RBM10: variants seen among roughly 807,000 people sequenced by gnomAD.
RBM10 encodes the protein RNA binding motif protein 10.
A neutral mutation model predicts 84.9 loss-of-function variants in RBM10; 1 was observed. The observed-to-expected ratio is 0.01, with a 90% confidence interval of 0.00 to 0.06. The LOEUF is 0.06. RBM10 is among the 10% of genes least tolerant of loss of function. The pLI, the probability that RBM10 is intolerant of heterozygous loss-of-function variation, is 1.00. For missense variants in RBM10, 438 were observed against 839.0 expected (o/e 0.52, Z 5.90); for synonymous variants, 326 against 344.5 (o/e 0.95, Z 0.60).
At chrX:47,175,174 C>A in intron 6 of RBM10, 82 bp downstream of exon 6, 1 of 760,294 alleles carries the variant, frequency 1.3e-6, no homozygotes, top group Non-Finnish European at 1.9e-6. Context: ...TTCTTATGGA[C>A]ACAGTTCCCT....
Position 47,185,700 on chromosome X carries a change from C to T in RBM10, c.2356-16C>T, listed in dbSNP as rs782285876. On this transcript the variant is annotated splice_polypyrimidine_tract_variant and intron_variant, in intron 20 of 23. Coordinates refer to ENST00000377604, the MANE Select transcript of RBM10 (RefSeq NM_005676.5). ...GAGGCTCATCCTCTTCACTTCTCATCCTGTCCCTCTTGCAGCAAAACCTTG... is the reference window on the plus strand; with the variant it reads ...GAGGCTCATCCTCTTCACTTCTCATTCTGTCCCTCTTGCAGCAAAACCTTG... The T allele has an allele frequency of 1.7e-6, 2 of 1,211,380 alleles. No individual in the cohort carries two copies. The highest frequency in any genetic ancestry group is 2.2e-6 in the Non-Finnish European group (2 of 895,263).
At chrX:47,163,878 T>A in intron 2 of RBM10, among the ~76,000 whole-genome samples, 1 of 70,826 alleles carries the variant, frequency 1.4e-5, no homozygotes. Context: ...TTTTTTTTTT[T>A]TTTTTTTTGA....
rs2147184746 is a variant in RBM10, at chrX:47,181,289, T to A, written c.1323T>A (p.Asp441Glu). ...TCGACTACAGCTACTACCAACAGGATGAGGGCTATGGCAACAGCCAGGGCA... is the reference window on the plus strand; with the variant it reads ...TCGACTACAGCTACTACCAACAGGAAGAGGGCTATGGCAACAGCCAGGGCA... ...PPVDYSYYQQ[D>E]EGYGNSQGTE... Residue 441 changes from aspartate (D) to glutamate (E), a missense_variant, in exon 13 of 24, where the codon GAT (aspartate) becomes GAA (glutamate). By Grantham distance (45) the Asp-to-Glu change is conservative. Around this residue, in one of 8 missense-constraint regions of RBM10, gnomAD observed 97 missense variants for 110.3 expected, o/e 0.88. Coordinates refer to ENST00000377604, the MANE Select transcript of RBM10 (RefSeq NM_005676.5). 8.4e-7 allele frequency: 1 copy of A among 1,183,960 alleles called. No homozygotes were observed. Among genetic ancestry groups the A allele is most frequent in the South Asian group, 1.9e-5 (1 of 53,906 alleles).
intron 2 of RBM10, among the ~76,000 whole-genome samples, chrX:47,155,146 C>CAAAAAAAA (rs782034292): frequency 3.7e-5 from 1 of 27,357 alleles, no homozygotes; most frequent in African/African-American, 1.4e-4. Flanking sequence ...GACTCCCTCT[C>CAAAAAAAA]AAAAAAAAAA....
At chrX:47,161,513 GTTTT>G (rs781863849) in intron 2 of RBM10, among the ~76,000 whole-genome samples, 1 of 55,106 alleles carries the variant, frequency 1.8e-5, no homozygotes, top group Non-Finnish European at 3.3e-5. Flanking sequence ...CAACTCATTA[GTTTT>G]TTTTTTTTTT....
chrX:47,151,491 T>C (rs1014635947), intron 2 of RBM10, among the ~76,000 whole-genome samples: 1 of 112,029 alleles, frequency 8.9e-6, no homozygotes, highest in South Asian at 3.6e-4. Flanking sequence ...CTGTCACTTA[T>C]TTATTTTTCT....
At chrX:47,184,774 C>T (rs1232365082) in intron 17 of RBM10, among the ~76,000 whole-genome samples, 3 of 110,806 alleles carry the variant, frequency 2.7e-5, no homozygotes, top group Non-Finnish European at 5.7e-5. Flanking sequence ...GCTGTGGTTG[C>T]GAGTTTGGGT....
intron 4 of RBM10, among the ~76,000 whole-genome samples, chrX:47,171,617 G>A (rs1327234784): frequency 1.8e-5 from 2 of 112,848 alleles, no homozygotes; most frequent in Non-Finnish European, 1.9e-5. Flanking sequence ...ATTGCTGGTA[G>A]CAGAGATGAC....
At chrX:47,164,217 A>G (rs1556767986) in intron 2 of RBM10, among the ~76,000 whole-genome samples, 1 of 111,483 alleles carries the variant, frequency 9.0e-6, no homozygotes, top group Non-Finnish European at 1.9e-5. Context: ...AAGTGAAAAG[A>G]CAACCCACAA....
chrX:47,170,641 GA>G (rs782210189), intron 3 of RBM10, among the ~76,000 whole-genome samples: 1 of 112,491 alleles, frequency 8.9e-6, no homozygotes, highest in South Asian at 3.7e-4. Context: ...GTGGTACAGT[GA>G]AGCAATTGAG....
intron 21 of RBM10, 102 bp from the exon 22 acceptor site, chrX:47,185,963 T>C: frequency 8.7e-7 from 1 of 1,150,269 alleles, no homozygotes; most frequent in Admixed American, 2.5e-5. Flanking sequence ...CTGAGCCTCA[T>C]TAGCCAGATG....
Position 47,147,373 on chromosome X carries a change from A to G in RBM10, c.-109A>G, listed in dbSNP as rs782600858. The G allele has an allele frequency of 1.0e-5, 12 of 1,201,791 alleles. No homozygotes were observed. The Admixed American group carries it at 2.3e-4, about 23-fold the overall frequency. The stretch of plus-strand genomic sequence containing the variant: ...TCTCCCCAGAGTCCCTGCAGGAAGC[A>G]TCACCCAGGCTGGCAGATCATGGTA... On this transcript the variant is annotated 5_prime_UTR_variant, in exon 2 of 24. Coordinates refer to ENST00000377604, the MANE Select transcript of RBM10 (RefSeq NM_005676.5).
rs376950117 is a variant in RBM10 at position 47,173,324 on chromosome X, G to T, written c.502+127G>T. The stretch of plus-strand genomic sequence containing the variant: ...TGCCACAGCTGGGAATGGGCAGCGT[G>T]GGGGGTGCCCTCTCTTCTCTCCCAC... On this transcript the variant is annotated intron_variant, in intron 5 of 23. Coordinates refer to ENST00000377604, the MANE Select transcript of RBM10 (RefSeq NM_005676.5). The T allele has an allele frequency of 1.2e-5, 14 of 1,152,752 alleles. No homozygotes were observed. In the East Asian group the frequency reaches 2.0e-4, roughly 16 times the overall value. The allele number at this position is 1,152,752 out of a possible 1,213,427, so 95.0% of individuals were successfully genotyped here. A position where few individuals can be genotyped will look rare whatever the true frequency, so the allele number is the denominator to read the frequency against.
At chrX:47,158,270 G>A (rs940386121) in intron 2 of RBM10, 6 of 141,040 alleles carry the variant, frequency 4.3e-5, no homozygotes, top group South Asian at 1.6e-4. Context: ...GCCAGTGAGC[G>A]CTGGGAGCGT....
chrX:47,159,270 G>A (rs782561710), intron 2 of RBM10, among the ~76,000 whole-genome samples: 6 of 111,093 alleles, frequency 5.4e-5, no homozygotes, highest in Non-Finnish European at 1.1e-4. Flanking sequence ...TTAGCCAGGC[G>A]TGGTGGCACG....
chrX:47,182,438 G>A (rs1468147081), intron 17 of RBM10, 112 bp downstream of exon 17: 1 of 1,053,994 alleles, frequency 9.5e-7, no homozygotes, highest in African/African-American at 1.9e-5. Context: ...AGGTGTGGAT[G>A]TGGGCAGTGA....
At chrX:47,158,156 T>G (rs1198181132) in intron 2 of RBM10, 3 of 241,899 alleles carry the variant, frequency 1.2e-5, no homozygotes, top group Non-Finnish European at 2.3e-5. Flanking sequence ...TTTCTTCTCA[T>G]GCAGCCAGTA....
At chrX:47,179,229 G>T (rs2147165984) in intron 8 of RBM10, 66 bp downstream of exon 8, 2 of 1,192,667 alleles carry the variant, frequency 1.7e-6, no homozygotes, top group Non-Finnish European at 2.3e-6. Flanking sequence ...AGGGTGAGGG[G>T]TCTGTGCTCA....
At chrX:47,159,431 G>A (rs1444207983) in intron 2 of RBM10, among the ~76,000 whole-genome samples, 2 of 106,744 alleles carry the variant, frequency 1.9e-5, no homozygotes, top group Non-Finnish European at 3.9e-5. Context: ...AAAAAAAAGT[G>A]CCGCTTTGAA....
Sources: allele counts gnomAD v4.1 joint callset (sites outside exome capture counted in the v4.1 genomes callset), GRCh38; gene constraint gnomAD v4.1.1; regional missense constraint gnomAD v4.1.1; transcripts MANE v1.5; gene names NCBI Gene and HGNC (gene_info 2026-07-23, HGNC 2026-07-21).